BACH1: variants seen among roughly 807,000 people sequenced by gnomAD.
The protein encoded by BACH1 is BTB domain and CNC homolog 1.
Under a neutral mutation model 52.9 loss-of-function variants are expected in BACH1, and 35 were observed. That is an observed-to-expected ratio of 0.66 (90% CI 0.51 to 0.88). The LOEUF (loss-of-function observed/expected upper bound fraction) is 0.88. BACH1 is among the 40% of genes least tolerant of loss of function. BACH1 has a pLI of 0.00. For synonymous variants in BACH1, 321 were observed against 319.6 expected (o/e 1.00, Z -0.05); for missense variants, 808 against 872.6 (o/e 0.93, Z 0.93).
intron 1 of BACH1, among the ~76,000 whole-genome samples, chr21:29,304,495 A>C (rs2088634321): frequency 6.6e-6 from 1 of 152,028 alleles, no homozygotes; most frequent in South Asian, 2.1e-4. Flanking sequence ...TTTAGATCAG[A>C]TCAGTCAGTG....
chr21:29,352,876 T>C (rs946039677), intron 2 of BACH1, among the ~76,000 whole-genome samples: 1 of 152,134 alleles, frequency 6.6e-6, no homozygotes, highest in Admixed American at 6.5e-5. Context: ...CACACCTGGC[T>C]AATTTTTGTA....
rs775035331 is a variant in BACH1, at chr21:29,326,239, G to GA, written c.417dup (p.Cys140MetfsTer17). On this transcript the variant is annotated frameshift_variant, in exon 3 of 5. Coordinates refer to ENST00000286800, the MANE Select transcript of BACH1 (RefSeq NM_001186.4). LOFTEE classifies it high-confidence loss of function. ...TTTGGACTCCACTGCAGACCAGCAA[G>GA]AATGCCCAAGAAAAAAATGCTTTTC... is the stretch of plus-strand genomic sequence containing the variant. 6.2e-7 allele frequency: 1 copy of GA among 1,614,096 alleles called. No individual in the cohort carries two copies. The highest frequency in any genetic ancestry group is 8.5e-7 in the Non-Finnish European group (1 of 1,180,000).
intron 4 of BACH1, among the ~76,000 whole-genome samples, chr21:29,341,334 A>G (rs1268856443): frequency 1.3e-5 from 2 of 152,152 alleles, no homozygotes; most frequent in East Asian, 3.9e-4. Context: ...ACAGAACAAC[A>G]CTGACTTGTT....
At chr21:29,316,191 GT>G (rs972640086) in intron 1 of BACH1, among the ~76,000 whole-genome samples, 2 of 151,818 alleles carry the variant, frequency 1.3e-5, no homozygotes, top group African/African-American at 2.4e-5. Flanking sequence ...GTTTTTAAGA[GT>G]TTTTTTTCCT....
intron 1 of BACH1, among the ~76,000 whole-genome samples, chr21:29,304,807 T>A (rs1224646511): frequency 6.6e-6 from 1 of 152,236 alleles, no homozygotes; most frequent in African/African-American, 2.4e-5. Flanking sequence ...TTTACTGATA[T>A]CTTCACATGC....
chr21:29,358,766 AAAG>A, intron 2 of BACH1, among the ~76,000 whole-genome samples: 1 of 54,548 alleles, frequency 1.8e-5, no homozygotes, highest in Non-Finnish European at 4.0e-5. Context: ...AAAGAAAAGA[AAAG>A]AAAAGAAAGA....
chr21:29,325,704 A>C (rs958590701), intron 2 of BACH1, among the ~76,000 whole-genome samples: 1 of 152,082 alleles, frequency 6.6e-6, no homozygotes, highest in Non-Finnish European at 1.5e-5. Context: ...TAGACTCACT[A>C]TGTGTGGCAG....
At chr21:29,325,743 A>C (rs138314299) in intron 2 of BACH1, among the ~76,000 whole-genome samples, 2,199 of 152,176 alleles carry the variant, frequency 0.014, 24 homozygotes, top group Non-Finnish European at 0.022. Flanking sequence ...TAATTCATAG[A>C]TGATTTTTTT....
At chr21:29,302,929 G>A (rs1335946185) in intron 1 of BACH1, among the ~76,000 whole-genome samples, 1 of 152,194 alleles carries the variant, frequency 6.6e-6, no homozygotes, top group African/African-American at 2.4e-5. Flanking sequence ...GAGTGCTTGA[G>A]GTAGTCACTA....
intron 1 of BACH1, among the ~76,000 whole-genome samples, chr21:29,312,657 A>C (rs1205436582): frequency 6.6e-6 from 1 of 152,240 alleles, no homozygotes; most frequent in Non-Finnish European, 1.5e-5. Context: ...GTTTAAAAAA[A>C]CCAACTCTGT....
chr21:29,346,689 C>T (rs382732), downstream of BACH1, among the ~76,000 whole-genome samples: 104,982 of 152,104 alleles, frequency 0.69, 37,165 homozygotes, highest in East Asian at 0.87. Flanking sequence ...CCCAGGGTAT[C>T]GATCTGGCTG....
At position 29,327,186 on chromosome 21, in the gene BACH1, A is replaced by G. The variant is rs765154710; in HGVS notation, c.1362A>G (p.Thr454=). 4 of 1,614,250 alleles carry G rather than the reference A, an allele frequency of 2.5e-6. No homozygotes were observed. The highest frequency in any genetic ancestry group is 1.1e-5 in the South Asian group (1 of 91,090). ...CAGAACCAGGTCAAAGGACTTTCAC[A>G]ACATTAAGTTCTGTCAACTGCCCTT... ...ESPEPGQRTF[T]TLSSVNCPFI... Residue 454 remains threonine (T), a synonymous_variant, in exon 3 of 5, where the codon ACA becomes ACG. Transcript: ENST00000286800.
In BACH1 at chr21:29,342,432, G is replaced by T. The variant is rs2089124447; in HGVS notation, c.1810G>T (p.Asp604Tyr). Residue 604 changes from aspartate (D) to tyrosine (Y), a missense_variant, in exon 5 of 5, where the codon GAT becomes TAT. Coordinates refer to ENST00000286800, the MANE Select transcript of BACH1 (RefSeq NM_001186.4). ...AAAGGAGAGCTTGTTGAAGGAAAGA[G>T]ATCACATTTTGTCAACTCTGGGTGA... is the stretch of plus-strand genomic sequence containing the variant. ...SEKESLLKER[D>Y]HILSTLGETK... 2 of 1,613,904 alleles carry T rather than the reference G, an allele frequency of 1.2e-6. No individual in the cohort carries two copies. Among genetic ancestry groups the T allele is most frequent in the Admixed American group, 1.7e-5 (1 of 59,982 alleles).
chr21:29,351,225 G>A (rs1051696774), intron 2 of BACH1, among the ~76,000 whole-genome samples: 1 of 152,128 alleles, frequency 6.6e-6, no homozygotes, highest in African/African-American at 2.4e-5. Flanking sequence ...TAATTTTCCA[G>A]ATACCATCTT....
intron 4 of BACH1, among the ~76,000 whole-genome samples, chr21:29,338,712 G>A: frequency 6.6e-6 from 1 of 151,974 alleles, no homozygotes; most frequent in Non-Finnish European, 1.5e-5. Flanking sequence ...ACGTTTATAT[G>A]GTTCAAACAT....
At chr21:29,329,730 A>G in intron 4 of BACH1, 37 bp downstream of exon 4, 1 of 1,388,892 alleles carries the variant, frequency 7.2e-7, no homozygotes, top group Admixed American at 2.9e-5. Context: ...TTTAAATTCC[A>G]CCACTTTCTT....
At chr21:29,356,542 A>G (rs2832290) in intron 2 of BACH1, among the ~76,000 whole-genome samples, 72,872 of 152,110 alleles carry the variant, frequency 0.48, 17,911 homozygotes, top group Middle Eastern at 0.54. Context: ...TTAGTAGTTG[A>G]GGAGGAACCG....
intron 4 of BACH1, among the ~76,000 whole-genome samples, chr21:29,339,701 C>T (rs971831263): frequency 1.3e-4 from 19 of 146,964 alleles, no homozygotes; most frequent in African/African-American, 2.5e-4. Context: ...GGCACAATCT[C>T]GGCTCACCGC....
chr21:29,317,239 T>A (rs928609934), intron 1 of BACH1, among the ~76,000 whole-genome samples: 31 of 152,210 alleles, frequency 2.0e-4, no homozygotes, highest in Non-Finnish European at 5.9e-5. Context: ...ATGAAACCCA[T>A]CCCTGGTGCC....
Sources: allele counts gnomAD v4.1 joint callset (sites outside exome capture counted in the v4.1 genomes callset), GRCh38; gene constraint gnomAD v4.1.1; transcripts MANE v1.5; gene names NCBI Gene and HGNC (gene_info 2026-07-23, HGNC 2026-07-21).